NPAS2: variants seen among roughly 807,000 people sequenced by gnomAD.
The protein encoded by NPAS2 is neuronal PAS domain-containing protein 2.
Under a neutral mutation model 107.5 loss-of-function variants are expected in NPAS2, and 23 were observed. The ratio of observed to expected loss-of-function variants is 0.21; its 90% confidence interval spans 0.15 to 0.30. The LOEUF (loss-of-function observed/expected upper bound fraction) is 0.30, where lower values mean the gene tolerates loss of function less well. NPAS2 is among the 10% of genes least tolerant of loss of function. The probability of loss-of-function intolerance (pLI) is 1.00; values close to 1 mark genes in which losing one functional copy is unlikely to be tolerated. For missense variants in NPAS2, 756 were observed against 1,043.3 expected (o/e 0.72, Z 3.79); for synonymous variants, 403 against 417.5 (o/e 0.97, Z 0.42).
At position 100,976,530 on chromosome 2, in the gene NPAS2, G is replaced by A. The variant is rs1388565655; in HGVS notation, c.1392+963G>A. ...CACTTCTAGACGGGAGAAGTACCCA[G>A]GAATTTTAGGGGCCACCTCCAGATA... On this transcript the variant is annotated intron_variant, in intron 14 of 20. Transcript: ENST00000335681. This position sits in a 1 kb window ranked among gnomAD's most constrained non-coding sequence, Gnocchi z 4.1. Among the ~76,000 whole-genome samples, 1 of 152,084 alleles carries A rather than the reference G, an allele frequency of 6.6e-6. No individual in the cohort carries two copies. Among genetic ancestry groups the A allele is most frequent in the Non-Finnish European group, 1.5e-5 (1 of 68,018 alleles).
intron 2 of NPAS2, among the ~76,000 whole-genome samples, chr2:100,905,850 A>C (rs1164103899): frequency 2.0e-5 from 3 of 152,196 alleles, no homozygotes; most frequent in African/African-American, 7.2e-5. Flanking sequence ...CTGTGGCTGC[A>C]GGGCAGCTGT....
At chr2:100,889,218 T>C (rs1045039655) in intron 1 of NPAS2, among the ~76,000 whole-genome samples, 1 of 152,234 alleles carries the variant, frequency 6.6e-6, no homozygotes, top group Non-Finnish European at 1.5e-5. Context: ...AGCTCTTCTT[T>C]AGACATTCAG....
In NPAS2 at chr2:100,878,544, C is replaced by T. The variant is rs984438664; in HGVS notation, c.-22-26189C>T. ...TTTGTTTGTTCTTCTAAAGGAACAC[C>T]TGGTTTTAACCGTCAACTGAAATGG... On this transcript the variant is annotated intron_variant, in intron 1 of 20. Transcript: ENST00000335681. 21 of 985,362 alleles carry T rather than the reference C, an allele frequency of 2.1e-5. No individual in the cohort carries two copies. The African/African-American group carries it at 3.5e-4, about 16-fold the overall frequency. 61.0% of individuals were successfully genotyped at this position (985,362 alleles called of 1,614,324 possible).
intron 1 of NPAS2, among the ~76,000 whole-genome samples, chr2:100,871,603 T>G (rs1679593756): frequency 6.6e-6 from 1 of 152,096 alleles, no homozygotes; most frequent in African/African-American, 2.4e-5. Flanking sequence ...AGTGCTAGGA[T>G]TACGGATGTG....
At chr2:100,836,504 C>T (rs898010506) in intron 1 of NPAS2, among the ~76,000 whole-genome samples, 4 of 152,172 alleles carry the variant, frequency 2.6e-5, no homozygotes, top group Middle Eastern at 3.2e-3. Context: ...GGCCACTCAA[C>T]GCCTGCGCCT....
chr2:100,969,078 C>T (rs1239368610), intron 11 of NPAS2, among the ~76,000 whole-genome samples: 1 of 152,034 alleles, frequency 6.6e-6, no homozygotes, highest in African/African-American at 2.4e-5. Context: ...TTCTCCCCGA[C>T]TACGGAAATT....
intron 20 of NPAS2, chr2:100,993,747 C>G (rs890514006): frequency 2.4e-6 from 1 of 423,024 alleles, no homozygotes; most frequent in Admixed American, 4.2e-5. Flanking sequence ...GGCTATTATG[C>G]CTTATGTGGT....
At chr2:100,917,549 A>G (rs1017511280) in intron 2 of NPAS2, among the ~76,000 whole-genome samples, 2 of 152,140 alleles carry the variant, frequency 1.3e-5, no homozygotes, top group African/African-American at 4.8e-5. Context: ...AAAAATAATA[A>G]AAGTTCAATA....
At position 100,975,703 on chromosome 2, in the gene NPAS2, G is replaced by A. The variant is rs914022859; in HGVS notation, c.1392+136G>A. 4 of 572,868 alleles carry A rather than the reference G, an allele frequency of 7.0e-6. No homozygotes were observed. In the African/African-American group the frequency reaches 7.9e-5, roughly 11 times the overall value. 35.5% of individuals were successfully genotyped at this position (572,868 alleles called of 1,614,324 possible). A position where few individuals can be genotyped will look rare whatever the true frequency, so the allele number is the denominator to read the frequency against. On this transcript the variant is annotated intron_variant, in intron 14 of 20. Transcript: ENST00000335681. Reference sequence around the variant, plus strand: ...TGAGAGTGTAGGGTGGCAGATGGGGGTGGGAAGTTAAGTAATTTAATTGGC... The same window carrying A: ...TGAGAGTGTAGGGTGGCAGATGGGGATGGGAAGTTAAGTAATTTAATTGGC...
At chr2:100,942,253 C>T (rs991981805) in intron 5 of NPAS2, among the ~76,000 whole-genome samples, 1 of 152,098 alleles carries the variant, frequency 6.6e-6, no homozygotes, top group African/African-American at 2.4e-5. Flanking sequence ...GGCAGGGGCA[C>T]AGCAGGAGGA....
intron 7 of NPAS2, among the ~76,000 whole-genome samples, chr2:100,952,141 G>A (rs1675263180): frequency 7.5e-6 from 1 of 133,878 alleles, no homozygotes; most frequent in Admixed American, 8.1e-5. Flanking sequence ...GACAGAGCAA[G>A]ACTCTGTCTC....
At chr2:100,937,534 T>A (rs1418793174) in intron 4 of NPAS2, among the ~76,000 whole-genome samples, 1 of 152,232 alleles carries the variant, frequency 6.6e-6, no homozygotes, top group Non-Finnish European at 1.5e-5. Context: ...TTTTCACTGA[T>A]CCTGTAGTGC....
intron 10 of NPAS2, among the ~76,000 whole-genome samples, chr2:100,967,769 A>AG: frequency 6.6e-6 from 1 of 152,152 alleles, no homozygotes; most frequent in Admixed American, 6.5e-5. Context: ...GCTCTGGGGA[A>AG]GGGGGAAGCC....
intron 4 of NPAS2, among the ~76,000 whole-genome samples, chr2:100,935,692 C>G (rs553728585): frequency 6.6e-6 from 1 of 152,328 alleles, no homozygotes; most frequent in Non-Finnish European, 1.5e-5. Flanking sequence ...CTTTTCCCAG[C>G]TTTCCAATCT....
At chr2:100,960,641 C>G (rs1675863442) in intron 7 of NPAS2, among the ~76,000 whole-genome samples, 1 of 152,052 alleles carries the variant, frequency 6.6e-6, no homozygotes, top group African/African-American at 2.4e-5. Flanking sequence ...CACCTGCCTG[C>G]CAGTGGAACC....
chr2:100,905,723 G>A (rs1227682333), intron 2 of NPAS2, among the ~76,000 whole-genome samples: 1 of 152,118 alleles, frequency 6.6e-6, no homozygotes, highest in African/African-American at 2.4e-5. Context: ...AGGGCTCTCC[G>A]TCCTCTGTGA....
intron 1 of NPAS2, among the ~76,000 whole-genome samples, chr2:100,853,022 C>G (rs1026620087): frequency 3.3e-5 from 5 of 152,146 alleles, no homozygotes; most frequent in Non-Finnish European, 1.5e-5. Flanking sequence ...AATTTGAACT[C>G]TGGATTTTAA....
At chr2:100,906,029 A>G (rs1397109338) in intron 2 of NPAS2, among the ~76,000 whole-genome samples, 2 of 152,344 alleles carry the variant, frequency 1.3e-5, no homozygotes, top group Admixed American at 6.5e-5. Flanking sequence ...AGAAGTGTAG[A>G]CAGAACAGCC....
chr2:100,945,136 A>G (rs1674808425), intron 5 of NPAS2, among the ~76,000 whole-genome samples: 1 of 152,226 alleles, frequency 6.6e-6, no homozygotes, highest in Non-Finnish European at 1.5e-5. Context: ...CATAGACGAG[A>G]GAGGATCCTG....
Sources: gnomAD v4.1 joint callset for allele counts (sites outside exome capture counted in the v4.1 genomes callset) on GRCh38, gnomAD v4.1.1 for gene constraint, Gnocchi (gnomAD v3.1) non-coding constraint, MANE v1.5 for transcripts, NCBI Gene and HGNC (gene_info 2026-07-23, HGNC 2026-07-21) for gene names.